KIAA1671: variants seen among roughly 807,000 people sequenced by gnomAD.
The protein encoded by KIAA1671 is uncharacterized protein KIAA1671.
Under a neutral mutation model 131.2 loss-of-function variants are expected in KIAA1671, and 52 were observed. The ratio of observed to expected loss-of-function variants is 0.40; its 90% CI spans 0.32 to 0.50. KIAA1671 has a LOEUF of 0.50. KIAA1671 is among the 20% of genes least tolerant of loss of function. The pLI is 0.73. For missense variants in KIAA1671, 2,360 were observed against 2,364.2 expected (o/e 1.00, Z 0.04); for synonymous variants, 1,003 against 961.6 (o/e 1.04, Z -0.80).
At chr22:25,125,916 T>A (rs558372961) in intron 6 of KIAA1671, among the ~76,000 whole-genome samples, 1 of 152,346 alleles carries the variant, frequency 6.6e-6, no homozygotes, top group East Asian at 1.9e-4. Flanking sequence ...AACCTTTGAT[T>A]CCTGGTGTAA....
intron 1 of KIAA1671, among the ~76,000 whole-genome samples, chr22:24,962,308 G>A (rs1337569687): frequency 1.3e-5 from 2 of 152,168 alleles, no homozygotes; most frequent in Non-Finnish European, 2.9e-5. Flanking sequence ...CTGTAAAAGG[G>A]TCACAGTGTG....
rs552576563 is a variant in KIAA1671, at chr22:25,140,213, G to A, written c.4531-30607G>A. Among the ~76,000 whole-genome samples the A allele has an allele frequency of 1.6e-4, 24 of 152,318 alleles. No individual in the cohort carries two copies. The East Asian group carries it at 2.7e-3, about 17-fold the overall frequency. On this transcript the variant is annotated intron_variant, in intron 6 of 12. Coordinates refer to ENST00000358431, the MANE Select transcript of KIAA1671 (RefSeq NM_001145206.2). ...GCAGAATTCATTTCCTTGGGGTAGA[G>A]GACTGACGGCCCTGGCCACTTGCTG...
intron 6 of KIAA1671, among the ~76,000 whole-genome samples, chr22:25,156,538 TC>T (rs1451883097): frequency 6.6e-6 from 1 of 150,444 alleles, no homozygotes; most frequent in Admixed American, 6.6e-5. Context: ...TATGTGTACA[TC>T]CGTATGTGTT....
In KIAA1671 at chr22:25,039,275, C is replaced by T. The variant is rs1926784673; in HGVS notation, c.2145C>T (p.Thr715=). The T allele has an allele frequency of 1.7e-5, 27 of 1,552,162 alleles. No homozygotes were observed. Among genetic ancestry groups the T allele is most frequent in the Non-Finnish European group, 2.4e-5 (27 of 1,147,132 alleles). The change falls in exon 5 of 13, where the codon ACC becomes ACT. Residue 715 remains threonine (T), a synonymous_variant. Coordinates refer to ENST00000358431, the MANE Select transcript of KIAA1671 (RefSeq NM_001145206.2). ...YPLSENHNNN[T]FLKHLENPPT... is the part of the protein sequence containing the mutation. ...TGTCTGAAAACCACAATAATAACAC[C>T]TTCCTCAAACACTTGGAAAATCCTC...
At chr22:25,172,817 C>T (rs533315516) in intron 7 of KIAA1671, among the ~76,000 whole-genome samples, 11 of 152,276 alleles carry the variant, frequency 7.2e-5, no homozygotes, top group Middle Eastern at 3.4e-3. Context: ...AGGACATGGA[C>T]GCTGGAGTCA....
chr22:24,998,717 CAAAAAAAA>C (rs34109303), intron 1 of KIAA1671, among the ~76,000 whole-genome samples: 3 of 76,176 alleles, frequency 3.9e-5, no homozygotes, highest in Non-Finnish European at 8.2e-5. Context: ...GACTCTGTCT[CAAAAAAAA>C]AAAAAAAAAA....
chr22:25,005,822 A>G (rs1924721256), intron 1 of KIAA1671, among the ~76,000 whole-genome samples: 1 of 152,092 alleles, frequency 6.6e-6, no homozygotes, highest in African/African-American at 2.4e-5. Flanking sequence ...AAGCTAGAAG[A>G]TCTAAGTTTT....
chr22:25,010,641 T>C (rs973242324), intron 1 of KIAA1671: 1 of 152,148 alleles, frequency 6.6e-6, no homozygotes, highest in African/African-American at 2.4e-5. Context: ...AGTGGCTCCG[T>C]TAAAGGAACC....
At chr22:25,091,832 T>C (rs562689906) in intron 6 of KIAA1671, among the ~76,000 whole-genome samples, 3 of 152,334 alleles carry the variant, frequency 2.0e-5, no homozygotes, top group Admixed American at 2.0e-4. Flanking sequence ...AAGGATTTAT[T>C]GAGCATCTCC....
chr22:24,993,130 G>A (rs1441602657), intron 1 of KIAA1671, among the ~76,000 whole-genome samples: 1 of 152,088 alleles, frequency 6.6e-6, no homozygotes, highest in Non-Finnish European at 1.5e-5. Flanking sequence ...GGATGCACCA[G>A]ACGGAGGATG....
intron 6 of KIAA1671, chr22:25,112,073 A>C: frequency 2.5e-6 from 1 of 397,898 alleles, no homozygotes; most frequent in Non-Finnish European, 4.4e-6. Context: ...AAGCAAGCCC[A>C]AAACTTCCAT....
At chr22:25,066,913 C>T (rs780858740) in intron 6 of KIAA1671, among the ~76,000 whole-genome samples, 11 of 152,140 alleles carry the variant, frequency 7.2e-5, no homozygotes, top group African/African-American at 2.2e-4. Flanking sequence ...TGGAGTGCCT[C>T]GGTCACATCT....
chr22:25,033,569 TTTTCG>T (rs1181783388), intron 4 of KIAA1671, among the ~76,000 whole-genome samples: 1 of 122,778 alleles, frequency 8.1e-6, no homozygotes, highest in Non-Finnish European at 1.7e-5. Context: ...GGTTGGTTTG[TTTTCG>T]TTTTTTTTTT....
intron 6 of KIAA1671, among the ~76,000 whole-genome samples, chr22:25,069,009 GTC>G (rs68071733): frequency 0.19 from 29,499 of 152,120 alleles, 3,991 homozygotes; most frequent in African/African-American, 0.39. Context: ...ACTTGCCGGA[GTC>G]TCTGGGTTAT....
At position 24,981,609 on chromosome 22, in the gene KIAA1671, G is replaced by C. The variant is rs150039383; in HGVS notation, c.-208+28837G>C. On this transcript the variant is annotated intron_variant, in intron 1 of 12. Transcript: ENST00000358431. ...TCTGAAGCAGGACCCTTGGGGATCT[G>C]TATTCAAAAGGAAAACTCGGCCAGG... Among the ~76,000 whole-genome samples, 332 of 152,242 alleles carry C rather than the reference G, an allele frequency of 2.2e-3. 9 individuals carry two copies. The highest frequency in any genetic ancestry group is 0.016 in the Admixed American group (240 of 15,270).
rs918599212 is a variant in KIAA1671 at position 25,028,240 on chromosome 22, G to T, written c.241G>T (p.Val81Phe). Reference protein sequence around the residue: ...FSKEQDVKSPVPSLRPSSTGP... With the variant: ...FSKEQDVKSPFPSLRPSSTGP... ...GAAGGAGCAGGACGTGAAATCTCCT[G>T]TCCCGTCTCTGCGGCCCAGTTCGAC... is the stretch of plus-strand genomic sequence containing the variant. The change falls in exon 3 of 13, where the codon GTC becomes TTC. Residue 81 changes from valine (V) to phenylalanine (F), a missense_variant. Val to Phe is a conservative substitution (Grantham distance 50, BLOSUM62 -1). Coordinates refer to ENST00000358431, the MANE Select transcript of KIAA1671 (RefSeq NM_001145206.2). The T allele has an allele frequency of 4.8e-4, 743 of 1,551,532 alleles. No individual in the cohort carries two copies. The highest frequency in any genetic ancestry group is 6.2e-4 in the Non-Finnish European group (712 of 1,147,012).
In KIAA1671 at chr22:25,094,045, C is replaced by T. The variant is rs144183008; in HGVS notation, c.4530+44681C>T. On this transcript the variant is annotated intron_variant, in intron 6 of 12. Coordinates refer to ENST00000358431, the MANE Select transcript of KIAA1671 (RefSeq NM_001145206.2). ...GCCACCCTGAGGACTGTATAGGTGT[C>T]CACATCCAAACACGAAGGCTGCTCC... Among the ~76,000 whole-genome samples, 176 of 152,076 alleles carry T rather than the reference C, an allele frequency of 1.2e-3. 1 individual carries two copies. The highest frequency in any genetic ancestry group is 3.4e-3 in the Middle Eastern group (1 of 294).
At chr22:25,116,138 G>A (rs1931645058) in intron 6 of KIAA1671, among the ~76,000 whole-genome samples, 1 of 152,200 alleles carries the variant, frequency 6.6e-6, no homozygotes, top group African/African-American at 2.4e-5. Flanking sequence ...GAGTGGAGTG[G>A]CACGATCATA....
chr22:25,159,841 C>G (rs571492324), intron 6 of KIAA1671, among the ~76,000 whole-genome samples: 182 of 152,302 alleles, frequency 1.2e-3, no homozygotes, highest in African/African-American at 4.3e-3. Context: ...AATTTTATAT[C>G]TGCAATCTAA....
Sources: allele counts gnomAD v4.1 joint callset (sites outside exome capture counted in the v4.1 genomes callset), GRCh38; gene constraint gnomAD v4.1.1; transcripts MANE v1.5; gene names NCBI Gene and HGNC (gene_info 2026-07-23, HGNC 2026-07-21).